Variants in FGF12 observed in about 807,000 individuals in gnomAD.
The protein encoded by FGF12 is fibroblast growth factor 12B.
Under a neutral mutation model 23.6 loss-of-function variants are expected in FGF12, and 14 were observed. That is an observed-to-expected ratio of 0.59 (90% CI 0.39 to 0.93). The LOEUF is 0.93. FGF12 is among the 40% of genes least tolerant of loss of function. The probability of loss-of-function intolerance (pLI) is 0.00; values close to 1 mark genes in which losing one functional copy is unlikely to be tolerated. For synonymous variants in FGF12, 62 were observed against 77.3 expected (o/e 0.80, Z 1.04); for missense variants, 175 against 217.8 (o/e 0.80, Z 1.24).
chr3:192,365,181 A>G (rs1718918129), intron 2 of FGF12, among the ~76,000 whole-genome samples: 2 of 152,102 alleles, frequency 1.3e-5, no homozygotes, highest in Admixed American at 6.6e-5. Context: ...ACTATGCATC[A>G]TAGGCCCGTT....
At chr3:192,421,344 C>T (rs1350633566) in intron 2 of FGF12, among the ~76,000 whole-genome samples, 1 of 151,534 alleles carries the variant, frequency 6.6e-6, no homozygotes, top group African/African-American at 2.4e-5. Flanking sequence ...ATGTGTGACA[C>T]TCAGTTTTAG....
At chr3:192,312,033 G>A (rs761672243) in intron 4 of FGF12, among the ~76,000 whole-genome samples, 1 of 151,614 alleles carries the variant, frequency 6.6e-6, no homozygotes, top group Non-Finnish European at 1.5e-5. Context: ...TTATTACTGA[G>A]TTATAAGAGT....
At chr3:192,268,498 A>G (rs1478972892) in intron 4 of FGF12, among the ~76,000 whole-genome samples, 1 of 151,994 alleles carries the variant, frequency 6.6e-6, no homozygotes, top group Non-Finnish European at 1.5e-5. Context: ...CTGGTGGGAG[A>G]TGTTTGAATC....
At chr3:192,660,939 T>A (rs1279618295) in intron 2 of FGF12, among the ~76,000 whole-genome samples, 1 of 151,118 alleles carries the variant, frequency 6.6e-6, no homozygotes, top group Non-Finnish European at 1.5e-5. Flanking sequence ...AAAATTGAAA[T>A]AAGGAAAAGT....
chr3:192,404,622 T>A (rs1048882627), intron 2 of FGF12, among the ~76,000 whole-genome samples: 1 of 152,202 alleles, frequency 6.6e-6, no homozygotes, highest in Non-Finnish European at 1.5e-5. Flanking sequence ...ATGACTCAAA[T>A]AATGACTATA....
intron 2 of FGF12, among the ~76,000 whole-genome samples, chr3:192,504,512 C>G (rs568664164): frequency 6.6e-6 from 1 of 152,290 alleles, no homozygotes; most frequent in African/African-American, 2.4e-5. Flanking sequence ...ATCCATTCTT[C>G]TCACTCTTTT....
At chr3:192,220,988 C>T (rs1718443401) in intron 4 of FGF12, among the ~76,000 whole-genome samples, 1 of 152,146 alleles carries the variant, frequency 6.6e-6, no homozygotes, top group African/African-American at 2.4e-5. Context: ...CTTGCACCAA[C>T]CATCTGAATG....
At chr3:192,274,605 T>G (rs928158577) in intron 4 of FGF12, among the ~76,000 whole-genome samples, 10 of 121,168 alleles carry the variant, frequency 8.3e-5, no homozygotes, top group South Asian at 6.4e-4. Flanking sequence ...GAGAGAGAGA[T>G]AGAATATAGA....
Position 192,514,982 on chromosome 3 carries a change from T to C in FGF12, c.14-154444A>G, listed in dbSNP as rs13316433. 378,045 of 463,914 alleles carry C rather than the reference T, an allele frequency of 0.81. 155,017 individuals are homozygous for C. Among genetic ancestry groups the C allele is most frequent in the Non-Finnish European group, 0.84 (295,689 of 353,686 alleles). The allele number at this position is 463,914 out of a possible 1,614,324, so 28.7% of individuals were successfully genotyped here. A position where few individuals can be genotyped will look rare whatever the true frequency, so the allele number is the denominator to read the frequency against. ...GCAGCCCTCCGAGAGCCCGAGGCGC[T>C]GCCACCCCTCGGTGGGCTCGAGCAC... On this transcript the variant is annotated intron_variant, in intron 2 of 5. Coordinates refer to ENST00000445105, the MANE Select transcript of FGF12 (RefSeq NM_004113.6). This position sits in a 1 kb window ranked among gnomAD's most constrained non-coding sequence, Gnocchi z 4.9.
chr3:192,387,033 CA>C (rs370854012), intron 2 of FGF12, among the ~76,000 whole-genome samples: 89 of 151,960 alleles, frequency 5.9e-4, no homozygotes, highest in Admixed American at 2.2e-3. Context: ...GTAATATGAA[CA>C]AAAAAAGGGG....
At chr3:192,342,120 CTT>C (rs1225483891) in intron 3 of FGF12, among the ~76,000 whole-genome samples, 1 of 152,112 alleles carries the variant, frequency 6.6e-6, no homozygotes, top group Non-Finnish European at 1.5e-5. Context: ...GTACCAGAAA[CTT>C]TTATTATGAT....
chr3:192,628,576 A>G (rs1226336222), intron 2 of FGF12, among the ~76,000 whole-genome samples: 2 of 150,758 alleles, frequency 1.3e-5, no homozygotes, highest in Non-Finnish European at 3.0e-5. Context: ...ATATACATAA[A>G]TATACAAAGT....
intron 2 of FGF12, among the ~76,000 whole-genome samples, chr3:192,585,852 T>C (rs1053653370): frequency 3.9e-5 from 6 of 152,214 alleles, no homozygotes; most frequent in Non-Finnish European, 1.5e-5. Context: ...ACCCCATGAT[T>C]ACTTATACTT....
At chr3:192,164,137 T>C (rs1204910500) in intron 5 of FGF12, among the ~76,000 whole-genome samples, 1 of 152,106 alleles carries the variant, frequency 6.6e-6, no homozygotes, top group East Asian at 1.9e-4. Context: ...GAGGAGACTA[T>C]ATTTTGTTCT....
chr3:192,547,050 CA>C (rs970105034), intron 2 of FGF12, among the ~76,000 whole-genome samples: 5 of 151,960 alleles, frequency 3.3e-5, no homozygotes, highest in Non-Finnish European at 7.4e-5. Flanking sequence ...GACCCGGTCT[CA>C]AAAAAACAAT....
At chr3:192,261,697 C>T (rs77228224) in intron 4 of FGF12, among the ~76,000 whole-genome samples, 2,760 of 152,286 alleles carry the variant, frequency 0.018, 58 homozygotes, top group African/African-American at 0.052. Flanking sequence ...CATGAGCTTA[C>T]ATCGAACACA....
At chr3:192,307,711 A>C (rs1715722479) in intron 4 of FGF12, among the ~76,000 whole-genome samples, 1 of 152,226 alleles carries the variant, frequency 6.6e-6, no homozygotes, top group Non-Finnish European at 1.5e-5. Context: ...GAAGTGGTCA[A>C]ATAAATAACA....
rs1377161565 is a variant in FGF12, at chr3:192,514,420, C to T, written c.14-153882G>A. Among the ~76,000 whole-genome samples the T allele has an allele frequency of 6.6e-6, 1 of 152,224 alleles. No individual in the cohort carries two copies. Among genetic ancestry groups the T allele is most frequent in the Non-Finnish European group, 1.5e-5 (1 of 68,042 alleles). On this transcript the variant is annotated intron_variant, in intron 2 of 5. Transcript: ENST00000445105. The surrounding 1 kb of genome is among the most constrained non-coding windows in gnomAD (Gnocchi z 4.9). ...TGGAGAGAGACCCGCAGGTTTCAGC[C>T]CAGGCGCGCCCGGCGAAAGCCAACG... is the stretch of plus-strand genomic sequence containing the variant.
At chr3:192,511,886 A>G (rs1724488233) in intron 2 of FGF12, among the ~76,000 whole-genome samples, 1 of 152,208 alleles carries the variant, frequency 6.6e-6, no homozygotes, top group South Asian at 2.1e-4. Flanking sequence ...ATATCTGATA[A>G]TGTAGAGGAA....
Sources: allele counts gnomAD v4.1 joint callset (sites outside exome capture counted in the v4.1 genomes callset), GRCh38; gene constraint gnomAD v4.1.1; non-coding constraint Gnocchi (gnomAD v3.1); transcripts MANE v1.5; gene names NCBI Gene and HGNC (gene_info 2026-07-23, HGNC 2026-07-21).